The following LOC122539214 variants were observed in gnomAD, a reference collection of about 807,000 sequenced individuals.
At chr19:52,675,431 A>T in the LOC122539214 span, among the ~76,000 whole-genome samples, 1 of 152,192 alleles carries the variant, frequency 6.6e-6, no homozygotes, top group Non-Finnish European at 1.5e-5. Flanking sequence ...CTGAGCTGGG[A>T]CACAAGCGCT....
the LOC122539214 span, among the ~76,000 whole-genome samples, chr19:52,664,321 G>C: frequency 2.0e-5 from 3 of 151,844 alleles, no homozygotes; most frequent in African/African-American, 7.3e-5. Flanking sequence ...CATGGAGAAA[G>C]CCCGTCTCTA....
the LOC122539214 span, among the ~76,000 whole-genome samples, chr19:52,664,144 A>C: frequency 1.3e-5 from 2 of 151,078 alleles, no homozygotes; most frequent in African/African-American, 4.9e-5. Context: ...TTGGCCTCCA[A>C]ACTGCTGGGA....
the LOC122539214 span, chr19:52,655,058 C>G: frequency 2.6e-5 from 4 of 153,042 alleles, no homozygotes; most frequent in African/African-American, 7.2e-5. Flanking sequence ...TGGTGACTTG[C>G]ATCTGTAATT....
At chr19:52,674,076 T>G in the LOC122539214 span, 1 of 151,594 alleles carries the variant, frequency 6.6e-6, no homozygotes, top group East Asian at 1.9e-4. Flanking sequence ...CACCACACAT[T>G]TGCACACTCA....
the LOC122539214 span, among the ~76,000 whole-genome samples, chr19:52,655,986 G>T: frequency 1.3e-5 from 2 of 152,116 alleles, no homozygotes; most frequent in Non-Finnish European, 2.9e-5. Context: ...TGAGGTGGGT[G>T]TATCAACTGA....
chr19:52,680,817 T>C, the LOC122539214 span, among the ~76,000 whole-genome samples: 2 of 149,846 alleles, frequency 1.3e-5, no homozygotes, highest in East Asian at 2.0e-4. Flanking sequence ...TTTCACCGTG[T>C]TAGCCAGGAT....
At chr19:52,650,792 A>T in the LOC122539214 span, 2 of 152,210 alleles carry the variant, frequency 1.3e-5, no homozygotes, top group African/African-American at 4.8e-5. Flanking sequence ...CTAATGGCAA[A>T]GTTAGGTATA....
chr19:52,651,027 C>G, the LOC122539214 span: 3 of 152,180 alleles, frequency 2.0e-5, no homozygotes, highest in African/African-American at 7.2e-5. Flanking sequence ...TAATTGAGAG[C>G]CTTATCTGAG....
chr19:52,678,385 G>C, the LOC122539214 span, among the ~76,000 whole-genome samples: 1 of 150,326 alleles, frequency 6.7e-6, no homozygotes, highest in Admixed American at 6.7e-5. Context: ...GGGGGACAGA[G>C]GTTGCAGTGA....
chr19:52,662,854 G>T, the LOC122539214 span, among the ~76,000 whole-genome samples: 4 of 152,174 alleles, frequency 2.6e-5, no homozygotes, highest in East Asian at 3.9e-4. Flanking sequence ...GAATGTGTTG[G>T]TTTTTTCTCT....
the LOC122539214 span, among the ~76,000 whole-genome samples, chr19:52,668,499 G>A: frequency 6.6e-6 from 1 of 152,132 alleles, no homozygotes; most frequent in East Asian, 1.9e-4. Flanking sequence ...AGAGGTCACT[G>A]GAAAGGATCC....
At chr19:52,687,584 A>ATATAATG in the LOC122539214 span, among the ~76,000 whole-genome samples, 1 of 37,330 alleles carries the variant, frequency 2.7e-5, no homozygotes, top group African/African-American at 2.7e-4. Context: ...AATTTTATAT[A>ATATAATG]TATATATATA....
At chr19:52,661,457 A>G in the LOC122539214 span, among the ~76,000 whole-genome samples, 9 of 152,266 alleles carry the variant, frequency 5.9e-5, no homozygotes, top group African/African-American at 1.7e-4. Context: ...TGGATCACAG[A>G]CTGACCTCAG....
chr19:52,687,633 G>A, the LOC122539214 span, among the ~76,000 whole-genome samples: 268 of 27,840 alleles, frequency 9.6e-3, 48 homozygotes, highest in Middle Eastern at 0.04. Flanking sequence ...TATATATAAT[G>A]TATATATATA....
the LOC122539214 span, among the ~76,000 whole-genome samples, chr19:52,678,556 T>C: frequency 2.0e-5 from 3 of 151,968 alleles, no homozygotes; most frequent in South Asian, 2.1e-4. Flanking sequence ...TTTGAAGTCA[T>C]ATCCCTGGAC....
At chr19:52,687,673 T>TAA in the LOC122539214 span, among the ~76,000 whole-genome samples, 1 of 111,586 alleles carries the variant, frequency 9.0e-6, no homozygotes, top group African/African-American at 3.9e-5. Context: ...TATATATATA[T>TAA]AACTAGCCGG....
At chr19:52,664,294 G>A in the LOC122539214 span, among the ~76,000 whole-genome samples, 1 of 151,566 alleles carries the variant, frequency 6.6e-6, no homozygotes, top group Admixed American at 6.6e-5. Flanking sequence ...CCTAGAGTTC[G>A]AGACCAGCCT....
the LOC122539214 span, among the ~76,000 whole-genome samples, chr19:52,689,685 C>G: frequency 3.9e-5 from 6 of 152,126 alleles, no homozygotes; most frequent in Non-Finnish European, 8.8e-5. Flanking sequence ...CACCCATCCT[C>G]TACTTTGCCA....
chr19:52,663,294 T>A, the LOC122539214 span, among the ~76,000 whole-genome samples: 22 of 152,162 alleles, frequency 1.4e-4, no homozygotes, highest in African/African-American at 5.3e-4. Flanking sequence ...ATGACAGTAA[T>A]ACGTTCAAAA....
Sources: allele counts gnomAD v4.1 joint callset (sites outside exome capture counted in the v4.1 genomes callset), GRCh38; gene constraint gnomAD v4.1.1; transcripts MANE v1.5.